Variants in RIOK1 observed in about 807,000 individuals in gnomAD.
RIOK1 encodes the protein serine/threonine-protein kinase RIO1.
A neutral mutation model predicts 73.5 loss-of-function variants in RIOK1; 66 were observed. The observed-to-expected ratio is 0.90, with a 90% CI of 0.74 to 1.10. RIOK1 has a LOEUF of 1.10. RIOK1 is among the 50% of genes least tolerant of loss of function. RIOK1 has a pLI of 0.00. For missense variants in RIOK1, 658 were observed against 699.8 expected, an observed-to-expected ratio of 0.94 and a Z score of 0.67; for synonymous variants, 224 against 226.8, an observed-to-expected ratio of 0.99 and a Z score of 0.11.
intron 5 of RIOK1, among the ~76,000 whole-genome samples, chr6:7,400,347 T>A (rs1386389427): frequency 2.0e-5 from 3 of 152,162 alleles, no homozygotes; most frequent in Non-Finnish European, 4.4e-5. Context: ...CAAGCTGTGG[T>A]CTGATTTGGT....
At chr6:7,415,811 G>A (rs1761986465) in intron 16 of RIOK1, among the ~76,000 whole-genome samples, 1 of 152,220 alleles carries the variant, frequency 6.6e-6, no homozygotes, top group African/African-American at 2.4e-5. Flanking sequence ...AGAAGCTACT[G>A]TCACATGAGT....
At position 7,404,036 on chromosome 6, in the gene RIOK1, A is replaced by T. The variant is rs140810129; in HGVS notation, c.854+9A>T. 6.6e-3 allele frequency: 10,350 copies of T among 1,564,928 alleles called. 41 individuals carry two copies. Among genetic ancestry groups the T allele is most frequent in the Non-Finnish European group, 7.6e-3 (8,624 of 1,136,246 alleles). ...ATCGGTAAAGATGACATGTAAGTACATGGAAGGGCTAATAATTGCATTCTC... is the reference window on the plus strand; with the variant it reads ...ATCGGTAAAGATGACATGTAAGTACTTGGAAGGGCTAATAATTGCATTCTC... On this transcript the variant is annotated intron_variant, in intron 9 of 16. Coordinates refer to ENST00000379834, the MANE Select transcript of RIOK1 (RefSeq NM_031480.3).
Position 7,390,693 on chromosome 6 carries a change from CAGTGGAGGT to C in RIOK1, c.71+624_71+632del, listed in dbSNP as rs1761310035. ...CCCCGAGGCCAGAGTGCCTAGAGCA[CAGTGGAGGT>C]AGTTGAGAAGATTGGTAGGGTGATA... On this transcript the variant is annotated intron_variant, in intron 1 of 16. Coordinates refer to ENST00000379834, the MANE Select transcript of RIOK1 (RefSeq NM_031480.3). Among the ~76,000 whole-genome samples, 4 of 152,250 alleles carry C rather than the reference CAGTGGAGGT, an allele frequency of 2.6e-5. No homozygotes were observed. In the South Asian group the frequency reaches 8.3e-4, roughly 32 times the overall value.
intron 14 of RIOK1, chr6:7,411,679 T>G (rs1761886403): frequency 2.2e-6 from 1 of 447,470 alleles, no homozygotes; most frequent in East Asian, 4.3e-5. Context: ...AAGCTGTAAT[T>G]GTAGAAACAA....
At chr6:7,396,179 A>G (rs1231869341) in intron 3 of RIOK1, among the ~76,000 whole-genome samples, 1 of 152,176 alleles carries the variant, frequency 6.6e-6, no homozygotes, top group Non-Finnish European at 1.5e-5. Context: ...TCTCATAGAA[A>G]ATGTAAGAGG....
rs1445374974 is a variant in RIOK1 at position 7,404,507 on chromosome 6, A to G, written c.944A>G (p.Tyr315Cys). The change falls in exon 10 of 17, where the codon TAT becomes TGT. Residue 315 changes from tyrosine to cysteine, a missense_variant. Transcript: ENST00000379834. ...GTCATTCAGTACATGAGAAGAATGT[A>G]TCAGGATGCCAGACTTGTCCATGCA... ...LQVIQYMRRM[Y>C]QDARLVHADL... is the part of the protein sequence containing the mutation. 2 of 1,614,216 alleles carry G rather than the reference A, an allele frequency of 1.2e-6. No individual in the cohort carries two copies. The highest frequency in any genetic ancestry group is 1.7e-6 in the Non-Finnish European group (2 of 1,180,024).
rs2326956 is a variant in RIOK1 at position 7,390,874 on chromosome 6, C to A, written c.71+801C>A. ...TGCTTGGTGATTTAAAGGAATCATT[C>A]TTTCTAGGTAGATGATGTTCATGGA... On this transcript the variant is annotated intron_variant, in intron 1 of 16. Coordinates refer to ENST00000379834, the MANE Select transcript of RIOK1 (RefSeq NM_031480.3). Among the ~76,000 whole-genome samples, 565 of 152,272 alleles carry A rather than the reference C, an allele frequency of 3.7e-3. 8 individuals carry two copies. Among genetic ancestry groups the A allele is most frequent in the South Asian group, 0.018 (85 of 4,824 alleles).
intron 10 of RIOK1, 34 bp downstream of exon 10, chr6:7,404,589 C>T: frequency 6.2e-7 from 1 of 1,604,624 alleles, no homozygotes; most frequent in Non-Finnish European, 8.5e-7. Context: ...AACTGCCTGT[C>T]AGTTGTTTCG....
chr6:7,407,634 G>A (rs181126214), intron 12 of RIOK1, among the ~76,000 whole-genome samples: 84 of 152,062 alleles, frequency 5.5e-4, no homozygotes, highest in Non-Finnish European at 1.0e-3. Context: ...TATAGGTGCA[G>A]ACCATGACAC....
At chr6:7,411,674 G>A (rs1761886232) in intron 14 of RIOK1, 1 of 453,232 alleles carries the variant, frequency 2.2e-6, no homozygotes, top group Non-Finnish European at 4.0e-6. Context: ...CCAACAAGCT[G>A]TAATTGTAGA....
chr6:7,393,266 C>A lies in RIOK1; in HGVS notation c.239C>A (p.Ala80Asp). Residue 80 changes from alanine (A) to aspartate (D), a missense_variant, in exon 2 of 17, where the codon GCC (alanine) becomes GAC (aspartate). Ala to Asp is a moderately radical substitution (Grantham distance 126, BLOSUM62 -2). Coordinates refer to ENST00000379834, the MANE Select transcript of RIOK1 (RefSeq NM_031480.3). ...TGGGATGAAGGAGTTGGAAAACTCG[C>A]CAAGGGTTATGTCTGGAATGGAGGA... is the stretch of plus-strand genomic sequence containing the variant. ...WDWDEGVGKL[A>D]KGYVWNGGSN... The A allele has an allele frequency of 1.2e-6, 2 of 1,613,922 alleles. No individual in the cohort carries two copies. Among genetic ancestry groups the A allele is most frequent in the Non-Finnish European group, 1.7e-6 (2 of 1,179,966 alleles).
intron 1 of RIOK1, among the ~76,000 whole-genome samples, chr6:7,391,290 AC>A (rs2113493937): frequency 6.6e-6 from 1 of 152,300 alleles, no homozygotes; most frequent in South Asian, 2.1e-4. Context: ...CAGAGCTTGC[AC>A]CCTAGCAGGG....
Position 7,396,712 on chromosome 6 carries a change from A to G in RIOK1, c.377A>G (p.Asn126Ser), listed in dbSNP as rs1410453442. The G allele has an allele frequency of 1.9e-6, 3 of 1,597,826 alleles. No homozygotes were observed. The highest frequency in any genetic ancestry group is 2.6e-6 in the Non-Finnish European group (3 of 1,166,618). ...FENKINLDKLNVTDSVINKVT... is the reference protein window; with the variant it reads ...FENKINLDKLSVTDSVINKVT... The stretch of plus-strand genomic sequence containing the variant: ...GTTTCTTGTATTTTAGATAAGCTAA[A>G]TGTTACTGATTCCGTCATAAATAAA... Residue 126 changes from asparagine (N) to serine (S), a missense_variant, in exon 4 of 17, where the codon AAT (asparagine) becomes AGT (serine). By Grantham distance (46) the Asn-to-Ser change is conservative (BLOSUM62 1). Coordinates refer to ENST00000379834, the MANE Select transcript of RIOK1 (RefSeq NM_031480.3).
At chr6:7,406,521 A>G (rs1403803931) in intron 12 of RIOK1, among the ~76,000 whole-genome samples, 2 of 152,032 alleles carry the variant, frequency 1.3e-5, no homozygotes, top group African/African-American at 2.4e-5. Flanking sequence ...TCACCATTCT[A>G]CTTTCTGTCT....
intron 12 of RIOK1, among the ~76,000 whole-genome samples, chr6:7,407,863 A>T (rs1761787009): frequency 6.6e-6 from 1 of 152,058 alleles, no homozygotes; most frequent in Admixed American, 6.6e-5. Context: ...TATGTCAGAT[A>T]CGTGATTTGC....
intron 12 of RIOK1, among the ~76,000 whole-genome samples, chr6:7,409,784 G>A (rs1271271634): frequency 3.7e-5 from 5 of 134,794 alleles, no homozygotes; most frequent in Non-Finnish European, 6.3e-5. Flanking sequence ...ACTGATTTTC[G>A]TGTCTAAACT....
At position 7,401,033 on chromosome 6, in the gene RIOK1, A is replaced by G; in HGVS notation, c.556A>G (p.Ile186Val). 4.4e-6 allele frequency: 7 copies of G among 1,602,290 alleles called. No individual in the cohort carries two copies. The highest frequency in any genetic ancestry group is 6.0e-6 in the Non-Finnish European group (7 of 1,170,658). Residue 186 changes from isoleucine (I) to valine (V), a missense_variant, in exon 6 of 17, where the codon ATT (isoleucine) becomes GTT (valine). Coordinates refer to ENST00000379834, the MANE Select transcript of RIOK1 (RefSeq NM_031480.3). ...RGIITEINGC[I>V]STGKEANVYH... ...AATCATAACAGAGATAAATGGCTGC[A>G]TTAGCACAGGAAAAGAAGTGAGCTC...
chr6:7,395,252 G>T, intron 3 of RIOK1, 109 bp downstream of exon 3: 2 of 1,262,696 alleles, frequency 1.6e-6, no homozygotes, highest in Non-Finnish European at 2.2e-6. Context: ...GGTGGCTCAC[G>T]CCTGTAATCC....
At chr6:7,391,971 A>G (rs1486576096) in intron 1 of RIOK1, among the ~76,000 whole-genome samples, 3 of 152,170 alleles carry the variant, frequency 2.0e-5, no homozygotes, top group Non-Finnish European at 2.9e-5. Context: ...ATTGGGATTG[A>G]TAATCTGAAT....
Sources: allele counts gnomAD v4.1 joint callset (sites outside exome capture counted in the v4.1 genomes callset), GRCh38; gene constraint gnomAD v4.1.1; transcripts MANE v1.5; gene names NCBI Gene and HGNC (gene_info 2026-07-23, HGNC 2026-07-21).